Variants in TBC1D4 observed in about 807,000 individuals in gnomAD.
TBC1D4 encodes the protein TBC1 domain family member 4, also known as TBC (Tre-2, BUB2, CDC16) domain-containing protein.
A neutral mutation model predicts 142.5 loss-of-function variants in TBC1D4; 121 were observed. The ratio of observed to expected loss-of-function variants is 0.85; its 90% CI spans 0.73 to 0.99. TBC1D4 has a LOEUF of 0.99. Among genes scored for constraint, TBC1D4 ranks in the 50% least tolerant of loss-of-function variants. The pLI, the probability that TBC1D4 is intolerant of heterozygous loss-of-function variation, is 0.00. For synonymous variants in TBC1D4, 630 were observed against 628.2 expected (o/e 1.00, Z -0.04); for missense variants, 1,475 against 1,606.6 (o/e 0.92, Z 1.40).
At chr13:75,353,761 AGCAGTAAAAAAAAGAG>A in intron 4 of TBC1D4, among the ~76,000 whole-genome samples, 2 of 152,322 alleles carry the variant, frequency 1.3e-5, no homozygotes, top group Middle Eastern at 6.8e-3. Context: ...CAAAATTAAA[AGCAGTAAAAAAAAGAG>A]ATAACTAAAG....
chr13:75,295,026 T>C lies in TBC1D4; in HGVS notation c.3157-13A>G, dbSNP rs74096215. ...GGTACATTTGAATCTAAAGTTAATT[T>C]GGAGAAGAAAAAAAATATTATGCAT... On this transcript the variant is annotated splice_polypyrimidine_tract_variant and intron_variant, in intron 17 of 20. Transcript: ENST00000377636. 3,655 of 1,612,944 alleles carry C rather than the reference T, an allele frequency of 2.3e-3. 67 individuals carry two copies. The African/African-American group carries it at 0.042, about 19-fold the overall frequency.
At chr13:75,383,310 G>A (rs1883966458) in intron 1 of TBC1D4, among the ~76,000 whole-genome samples, 1 of 152,140 alleles carries the variant, frequency 6.6e-6, no homozygotes, top group Non-Finnish European at 1.5e-5. Flanking sequence ...GCAACAGAGT[G>A]AGACCTTGTC....
chr13:75,362,193 C>CAGA lies in TBC1D4; in HGVS notation c.910_912dup (p.Ser304dup), dbSNP rs1320375659. 6.2e-7 allele frequency: 1 copy of CAGA among 1,613,818 alleles called. No individual in the cohort carries two copies. The highest frequency in any genetic ancestry group is 8.5e-7 in the Non-Finnish European group (1 of 1,180,008). On this transcript the variant is annotated inframe_insertion, in exon 2 of 21. Coordinates refer to ENST00000377636, the MANE Select transcript of TBC1D4 (RefSeq NM_014832.5). This position sits in a 1 kb window ranked among gnomAD's most constrained non-coding sequence, Gnocchi z 4.2. ...CGAAACTCCTGCTGCTCATCAAAGC[C>CAGA]AGAATCTTCCAAAATCCGCTCAGGG...
chr13:75,337,193 TA>T (rs1880298885), intron 7 of TBC1D4, among the ~76,000 whole-genome samples, 153 bp from the exon 8 acceptor site: 1 of 152,240 alleles, frequency 6.6e-6, no homozygotes, highest in Admixed American at 6.5e-5. Flanking sequence ...ACTGTGAACA[TA>T]ATGCTTATAA....
intron 1 of TBC1D4, among the ~76,000 whole-genome samples, chr13:75,369,497 T>TAACA (rs1555312125): frequency 6.6e-6 from 1 of 150,538 alleles, no homozygotes; most frequent in South Asian, 2.1e-4. Flanking sequence ...AGACCCTGTC[T>TAACA]CACACACACA....
chr13:75,293,329 T>C (rs931172099), intron 18 of TBC1D4, among the ~76,000 whole-genome samples: 3 of 152,202 alleles, frequency 2.0e-5, no homozygotes, highest in Admixed American at 2.0e-4. Flanking sequence ...CATCTTTCCA[T>C]TTCCTGCCAG....
chr13:75,453,787 G>A (rs1240907015), intron 1 of TBC1D4, among the ~76,000 whole-genome samples: 3 of 151,640 alleles, frequency 2.0e-5, no homozygotes, highest in Non-Finnish European at 4.4e-5. Flanking sequence ...TCTTGAACCC[G>A]GGAGGCAGAG....
At chr13:75,373,508 C>T (rs574668296) in intron 1 of TBC1D4, among the ~76,000 whole-genome samples, 12 of 152,270 alleles carry the variant, frequency 7.9e-5, no homozygotes, top group Admixed American at 2.6e-4. Flanking sequence ...ATCTCTGACC[C>T]GGACTTGCAC....
intron 8 of TBC1D4, among the ~76,000 whole-genome samples, chr13:75,328,251 C>A (rs913938678): frequency 1.3e-5 from 2 of 152,162 alleles, no homozygotes; most frequent in Admixed American, 1.3e-4. Flanking sequence ...TTATAATAAA[C>A]ATCAGTTAAA....
intron 5 of TBC1D4, among the ~76,000 whole-genome samples, chr13:75,345,163 C>A (rs1330776530): frequency 6.6e-6 from 1 of 152,282 alleles, no homozygotes; most frequent in East Asian, 1.9e-4. Flanking sequence ...GTGAATACAG[C>A]AGTTATTACC....
chr13:75,449,587 GTTTT>G, intron 1 of TBC1D4, among the ~76,000 whole-genome samples: 1 of 137,978 alleles, frequency 7.2e-6, no homozygotes. Context: ...AACATACATA[GTTTT>G]TTTTTTTTTT....
In TBC1D4 at chr13:75,341,049, T is replaced by C. The variant is rs1332316655; in HGVS notation, c.1611+76A>G. The C allele has an allele frequency of 2.3e-6, 3 of 1,317,026 alleles. No homozygotes were observed. In the East Asian group the frequency reaches 6.9e-5, roughly 30 times the overall value. The allele number at this position is 1,317,026 out of a possible 1,614,324, so 81.6% of individuals were successfully genotyped here. ...GATAGGACTTTAGCCCTAAAGAACC[T>C]GAGAGTACAAAGGGAAGAATTAACA... On this transcript the variant is annotated intron_variant, in intron 7 of 20. Transcript: ENST00000377636.
Position 75,349,312 on chromosome 13 carries a change from G to A in TBC1D4, c.1276-10C>T, listed in dbSNP as rs762076938. 6.2e-7 allele frequency: 1 copy of A among 1,613,574 alleles called. No individual in the cohort carries two copies. Among genetic ancestry groups the A allele is most frequent in the African/African-American group, 1.3e-5 (1 of 75,004 alleles). ...GCATTACCTCATCAACCTACAGGAA[G>A]AAACAAAACTCAGGTCTATAAAAGT... is the stretch of plus-strand genomic sequence containing the variant. On this transcript the variant is annotated splice_polypyrimidine_tract_variant and intron_variant, in intron 4 of 20. Transcript: ENST00000377636.
chr13:75,440,557 T>TAA (rs199689839), intron 1 of TBC1D4, among the ~76,000 whole-genome samples: 17 of 150,142 alleles, frequency 1.1e-4, no homozygotes, highest in African/African-American at 4.1e-4. Flanking sequence ...TACTATTTTT[T>TAA]AAAAAAAAAA....
chr13:75,348,954 AGTGTGTGTGTGTGTGTGTGTGT>A (rs55954112), intron 5 of TBC1D4, among the ~76,000 whole-genome samples, 194 bp downstream of exon 5: 1 of 139,084 alleles, frequency 7.2e-6, no homozygotes, highest in Non-Finnish European at 1.5e-5. Flanking sequence ...AGAGAGAGAG[AGTGTGTGTGTGTGTGTGTGTGT>A]GTGTGTGTGT....
chr13:75,345,269 AGTGCCTC>A (rs1460478981), intron 5 of TBC1D4, among the ~76,000 whole-genome samples: 2 of 152,248 alleles, frequency 1.3e-5, no homozygotes, highest in Non-Finnish European at 2.9e-5. Context: ...GAAACACAAT[AGTGCCTC>A]GCACATGGAG....
intron 3 of TBC1D4, among the ~76,000 whole-genome samples, chr13:75,357,595 G>A (rs1048767188): frequency 5.3e-5 from 8 of 152,234 alleles, no homozygotes; most frequent in South Asian, 2.1e-4. Context: ...TCATTAGCTC[G>A]GAGAGTCCTG....
chr13:75,362,636 T>C lies in TBC1D4; in HGVS notation c.499-29A>G, dbSNP rs904445271. 1.2e-6 allele frequency: 2 copies of C among 1,611,610 alleles called. No individual in the cohort carries two copies. Among genetic ancestry groups the C allele is most frequent in the Non-Finnish European group, 1.7e-6 (2 of 1,179,012 alleles). ...GGGGAAAAAATTAAAACCCTGATTC[T>C]AGTTGAAAGTTTTGAGACAATTTAC... On this transcript the variant is annotated intron_variant, in intron 1 of 20. Coordinates refer to ENST00000377636, the MANE Select transcript of TBC1D4 (RefSeq NM_014832.5). This position sits in a 1 kb window ranked among gnomAD's most constrained non-coding sequence, Gnocchi z 4.2.
chr13:75,361,931 G>T, intron 2 of TBC1D4, 95 bp downstream of exon 2: 1 of 1,393,234 alleles, frequency 7.2e-7, no homozygotes, highest in Non-Finnish European at 1.0e-6. Context: ...TAGATTATTC[G>T]TTATATAGAG....
Sources: allele counts gnomAD v4.1 joint callset (sites outside exome capture counted in the v4.1 genomes callset), GRCh38; gene constraint gnomAD v4.1.1; non-coding constraint Gnocchi (gnomAD v3.1); transcripts MANE v1.5; gene names NCBI Gene and HGNC (gene_info 2026-07-23, HGNC 2026-07-21).